Variants in PTPRN2 observed in about 807,000 individuals in gnomAD.
The protein encoded by PTPRN2 is protein tyrosine phosphatase receptor type N2.
A neutral mutation model predicts 118.8 loss-of-function variants in PTPRN2; 74 were observed. The observed-to-expected ratio is 0.62, with a 90% CI of 0.52 to 0.76. The LOEUF is 0.76. PTPRN2 is among the 30% of genes least tolerant of loss of function. The probability of loss-of-function intolerance (pLI) is 0.00; values close to 1 mark genes in which losing one functional copy is unlikely to be tolerated. For synonymous variants in PTPRN2, 641 were observed against 608.0 expected (o/e 1.05, Z -0.80); for missense variants, 1,481 against 1,394.4 (o/e 1.06, Z -0.99).
chr7:157,755,932 T>C (rs1455636197), intron 12 of PTPRN2, among the ~76,000 whole-genome samples: 2 of 152,214 alleles, frequency 1.3e-5, no homozygotes, highest in Non-Finnish European at 2.9e-5. Flanking sequence ...TCACAGGCCC[T>C]TCCCACGGCA....
At chr7:157,555,743 A>G (rs940044903) in intron 21 of PTPRN2, among the ~76,000 whole-genome samples, 5 of 152,242 alleles carry the variant, frequency 3.3e-5, no homozygotes, top group African/African-American at 9.6e-5. Flanking sequence ...CAAGAGAGAG[A>G]GGCCTTTACT....
At chr7:158,103,868 A>T (rs114441043) in intron 10 of PTPRN2, among the ~76,000 whole-genome samples, 41,382 of 147,126 alleles carry the variant, frequency 0.28, 5,773 homozygotes, top group South Asian at 0.41. Context: ...GATTATTATT[A>T]TTTTTTTTTT....
At chr7:158,085,609 C>T (rs538567970) in intron 10 of PTPRN2, among the ~76,000 whole-genome samples, 8 of 113,316 alleles carry the variant, frequency 7.1e-5, no homozygotes, top group African/African-American at 9.8e-5. Flanking sequence ...TCCACACCCA[C>T]GACGCCCATC....
Position 158,404,835 on chromosome 7 carries a change from C to CCCAGCTCCCCGGCCT in PTPRN2, c.163+84885_163+84899dup, listed in dbSNP as rs1230092499. Among the ~76,000 whole-genome samples, 273 of 131,508 alleles carry CCCAGCTCCCCGGCCT rather than the reference C, an allele frequency of 2.1e-3. 6 individuals are homozygous for CCCAGCTCCCCGGCCT. Among genetic ancestry groups the CCCAGCTCCCCGGCCT allele is most frequent in the African/African-American group, 8.0e-3 (254 of 31,670 alleles). The allele number at this position is 131,508 out of a possible 152,430, so 86.3% of individuals were successfully genotyped here. A position where few individuals can be genotyped will look rare whatever the true frequency, so the allele number is the denominator to read the frequency against. On this transcript the variant is annotated intron_variant, in intron 2 of 22. Coordinates refer to ENST00000389418, the MANE Select transcript of PTPRN2 (RefSeq NM_002847.5). The stretch of plus-strand genomic sequence containing the variant: ...GCTCCCCGGCCCCCAGCTCCCCGGC[C>CCCAGCTCCCCGGCCT]CCAGCTCCCCGGCCTCCAGCTCCCC...
At chr7:157,640,368 T>G (rs903017287) in intron 14 of PTPRN2, among the ~76,000 whole-genome samples, 1 of 152,202 alleles carries the variant, frequency 6.6e-6, no homozygotes, top group Non-Finnish European at 1.5e-5. Context: ...GGAAATTCCC[T>G]GGAATGCAGG....
At chr7:157,931,618 C>T (rs1799361621) in intron 11 of PTPRN2, among the ~76,000 whole-genome samples, 1 of 152,160 alleles carries the variant, frequency 6.6e-6, no homozygotes, top group Non-Finnish European at 1.5e-5. Context: ...AGAGGCATCT[C>T]AGTGAGTCAC....
intron 2 of PTPRN2, among the ~76,000 whole-genome samples, chr7:158,379,826 A>G (rs1164500737): frequency 6.6e-6 from 1 of 152,224 alleles, no homozygotes; most frequent in Non-Finnish European, 1.5e-5. Flanking sequence ...TATGCAGGAA[A>G]GAGGTTTAAT....
chr7:157,906,456 G>A (rs1416068320), intron 11 of PTPRN2, among the ~76,000 whole-genome samples: 1 of 152,330 alleles, frequency 6.6e-6, no homozygotes, highest in East Asian at 1.9e-4. Flanking sequence ...GTCGTTTTCT[G>A]AAAAGAACTC....
intron 11 of PTPRN2, among the ~76,000 whole-genome samples, chr7:158,070,865 G>A (rs1406286970): frequency 2.4e-5 from 3 of 126,472 alleles, no homozygotes; most frequent in Admixed American, 1.6e-4. Flanking sequence ...TGCCCGTGGT[G>A]GTGGTGGTGC....
intron 11 of PTPRN2, among the ~76,000 whole-genome samples, chr7:158,002,560 G>A (rs143211688): frequency 2.9e-3 from 447 of 152,276 alleles, no homozygotes; most frequent in African/African-American, 0.01. Flanking sequence ...GGATGAGGGA[G>A]AAAACAAAAG....
chr7:158,213,841 A>C (rs1480690438), intron 3 of PTPRN2, among the ~76,000 whole-genome samples: 1 of 152,166 alleles, frequency 6.6e-6, no homozygotes, highest in African/African-American at 2.4e-5. Flanking sequence ...ATGGCACAAA[A>C]AGAACTTTTC....
intron 11 of PTPRN2, among the ~76,000 whole-genome samples, chr7:158,026,612 G>A (rs1030150447): frequency 6.6e-6 from 1 of 152,120 alleles, no homozygotes; most frequent in South Asian, 2.1e-4. Context: ...AGACAAAACC[G>A]AGACCCTCTT....
chr7:158,330,674 T>G (rs1804184769), intron 2 of PTPRN2, among the ~76,000 whole-genome samples: 1 of 110,892 alleles, frequency 9.0e-6, no homozygotes, highest in African/African-American at 2.8e-5. Context: ...CAATAAGAGC[T>G]GAGGCACAAA....
At chr7:158,164,751 G>A (rs915978299) in intron 6 of PTPRN2, among the ~76,000 whole-genome samples, 1 of 152,182 alleles carries the variant, frequency 6.6e-6, no homozygotes, top group Admixed American at 6.5e-5. Context: ...GGAGGTTAGA[G>A]AAGGAAGAGG....
chr7:157,772,970 G>T (rs1006836678), intron 12 of PTPRN2, among the ~76,000 whole-genome samples: 2 of 152,122 alleles, frequency 1.3e-5, no homozygotes, highest in African/African-American at 4.8e-5. Flanking sequence ...TACTGGCGGG[G>T]TCTTCCTGGG....
At chr7:157,922,889 G>T (rs1798765608) in intron 11 of PTPRN2, among the ~76,000 whole-genome samples, 1 of 152,228 alleles carries the variant, frequency 6.6e-6, no homozygotes, top group Non-Finnish European at 1.5e-5. Flanking sequence ...AGAGCAAAAT[G>T]AAAATATATA....
chr7:157,982,607 G>C (rs959464549), intron 11 of PTPRN2, among the ~76,000 whole-genome samples: 1 of 142,946 alleles, frequency 7.0e-6, no homozygotes, highest in South Asian at 2.3e-4. Context: ...CAGAGTGCAG[G>C]GTCCCCCCTA....
chr7:158,065,629 C>T (rs1260175773), intron 11 of PTPRN2, among the ~76,000 whole-genome samples: 3 of 152,188 alleles, frequency 2.0e-5, no homozygotes, highest in African/African-American at 4.8e-5. Context: ...ACGGGTCAGA[C>T]CAAGGTTTTG....
At chr7:158,272,664 A>C (rs1179456511) in intron 3 of PTPRN2, among the ~76,000 whole-genome samples, 1 of 152,164 alleles carries the variant, frequency 6.6e-6, no homozygotes, top group Middle Eastern at 3.2e-3. Context: ...CAAATCTCGG[A>C]GCACCAGGTG....
Sources: gnomAD v4.1 joint callset for allele counts (sites outside exome capture counted in the v4.1 genomes callset) on GRCh38, gnomAD v4.1.1 for gene constraint, MANE v1.5 for transcripts, NCBI Gene and HGNC (gene_info 2026-07-23, HGNC 2026-07-21) for gene names.